The following MTSS1 variants were observed in gnomAD, a reference collection of about 807,000 sequenced individuals.
The protein encoded by MTSS1 is MTSS I-BAR domain containing 1.
A neutral mutation model predicts 79.0 loss-of-function variants in MTSS1; 18 were observed. That is an observed-to-expected ratio of 0.23 (90% confidence interval 0.16 to 0.34). MTSS1 has a LOEUF of 0.34. Ranked by LOEUF, MTSS1 falls within the 10% of genes least tolerant of loss-of-function variation. The probability of loss-of-function intolerance (pLI) is 1.00; values close to 1 mark genes in which losing one functional copy is unlikely to be tolerated. For synonymous variants in MTSS1, 341 were observed against 368.6 expected (o/e 0.93, Z 0.86); for missense variants, 815 against 986.2 (o/e 0.83, Z 2.33).
chr8:124,603,245 C>T (rs1247263074), intron 3 of MTSS1, among the ~76,000 whole-genome samples: 4 of 152,144 alleles, frequency 2.6e-5, no homozygotes, highest in Admixed American at 6.5e-5. Context: ...AGGCTGGTCT[C>T]GAACTCCTGA....
intron 3 of MTSS1, among the ~76,000 whole-genome samples, chr8:124,681,205 T>TA (rs765690095): frequency 0.014 from 1,702 of 126,058 alleles, 20 homozygotes; most frequent in African/African-American, 0.027. Context: ...CTGTGACATT[T>TA]AAAAAAAAAA....
intron 3 of MTSS1, among the ~76,000 whole-genome samples, chr8:124,671,652 A>T (rs1196534403): frequency 6.6e-6 from 1 of 152,222 alleles, no homozygotes; most frequent in East Asian, 1.9e-4. Flanking sequence ...GGCAACAGCA[A>T]ATTAGTTCAA....
intron 3 of MTSS1, among the ~76,000 whole-genome samples, chr8:124,672,740 G>T (rs1249015840): frequency 1.3e-5 from 2 of 152,106 alleles, no homozygotes; most frequent in African/African-American, 2.4e-5. Context: ...AGCCAGGAAA[G>T]GCAAGGCTGC....
intron 1 of MTSS1, among the ~76,000 whole-genome samples, chr8:124,723,997 T>C (rs142027534): frequency 6.0e-4 from 92 of 152,280 alleles, no homozygotes; most frequent in African/African-American, 2.2e-3. Flanking sequence ...CCATATTGGA[T>C]TCATATTACC....
At chr8:124,663,661 C>A (rs62530694) in intron 3 of MTSS1, among the ~76,000 whole-genome samples, 10,731 of 152,228 alleles carry the variant, frequency 0.07, 452 homozygotes, top group Middle Eastern at 0.15. Flanking sequence ...CTTAGAAAAG[C>A]CATCCTCCTC....
At chr8:124,712,007 G>GAA (rs113611055) in intron 1 of MTSS1, among the ~76,000 whole-genome samples, 18 of 102,722 alleles carry the variant, frequency 1.8e-4, no homozygotes, top group Admixed American at 4.2e-4. Context: ...GACTGTCTCA[G>GAA]AAAAAAAAAA....
intron 3 of MTSS1, among the ~76,000 whole-genome samples, chr8:124,672,678 C>T (rs1824466810): frequency 6.6e-6 from 1 of 151,828 alleles, no homozygotes; most frequent in African/African-American, 2.4e-5. Flanking sequence ...GGTGTGGTGG[C>T]ATGCACCCAT....
intron 3 of MTSS1, among the ~76,000 whole-genome samples, chr8:124,669,677 C>T (rs980987551): frequency 1.3e-5 from 2 of 152,178 alleles, no homozygotes; most frequent in African/African-American, 4.8e-5. Context: ...TGTCTATATA[C>T]ATTCAGGGAC....
intron 3 of MTSS1, among the ~76,000 whole-genome samples, chr8:124,646,411 A>G (rs956093841): frequency 6.6e-6 from 1 of 152,116 alleles, no homozygotes. Flanking sequence ...ATCTAAAAAT[A>G]TTTTCCTGGG....
chr8:124,593,481 C>T (rs1036071825), intron 3 of MTSS1, among the ~76,000 whole-genome samples: 1 of 152,206 alleles, frequency 6.6e-6, no homozygotes, highest in Non-Finnish European at 1.5e-5. Flanking sequence ...AAATGTTGTT[C>T]ACAGCGTCAA....
chr8:124,639,488 T>C (rs1205454202), intron 3 of MTSS1, among the ~76,000 whole-genome samples: 3 of 151,804 alleles, frequency 2.0e-5, no homozygotes, highest in African/African-American at 4.9e-5. Context: ...ATTTTTTTTT[T>C]CCCTGAGACA....
chr8:124,623,507 A>G (rs1472827552), intron 3 of MTSS1, among the ~76,000 whole-genome samples: 1 of 152,200 alleles, frequency 6.6e-6, no homozygotes, highest in African/African-American at 2.4e-5. Context: ...TCCAATAAAC[A>G]CTTGCTGGCT....
At chr8:124,621,217 G>C (rs939562627) in intron 3 of MTSS1, among the ~76,000 whole-genome samples, 1 of 152,208 alleles carries the variant, frequency 6.6e-6, no homozygotes, top group African/African-American at 2.4e-5. Flanking sequence ...TTAAGGGCCA[G>C]ATAAAAAAGC....
At chr8:124,635,467 A>G (rs1244265887) in intron 3 of MTSS1, among the ~76,000 whole-genome samples, 1 of 152,218 alleles carries the variant, frequency 6.6e-6, no homozygotes, top group African/African-American at 2.4e-5. Context: ...AGAGAAATCT[A>G]TGTCAACAGA....
Position 124,562,774 on chromosome 8 carries a change from A to G in MTSS1, c.1035+8T>C, listed in dbSNP as rs747762077. ...GACAGCTGCTCCTGGAGCCAAGGGC[A>G]CCCTTACCTGGTTGGGGGCCTCTGG... On this transcript the variant is annotated splice_region_variant and intron_variant, in intron 10 of 13. Coordinates refer to ENST00000518547, the MANE Select transcript of MTSS1 (RefSeq NM_014751.6). 7 of 1,612,928 alleles carry G rather than the reference A, an allele frequency of 4.3e-6. No individual in the cohort carries two copies. The African/African-American group carries it at 9.3e-5, about 22-fold the overall frequency.
At chr8:124,676,878 GA>G (rs1323883006) in intron 3 of MTSS1, among the ~76,000 whole-genome samples, 1 of 152,186 alleles carries the variant, frequency 6.6e-6, no homozygotes, top group Non-Finnish European at 1.5e-5. Context: ...ACACGCTGAT[GA>G]AAAGGACTTG....
intron 6 of MTSS1, among the ~76,000 whole-genome samples, chr8:124,572,598 G>T (rs181315064): frequency 2.0e-5 from 3 of 152,040 alleles, no homozygotes; most frequent in Non-Finnish European, 4.4e-5. Context: ...CTCCATCCTC[G>T]TCTCACCTCT....
At chr8:124,590,216 C>T (rs751413394) in intron 4 of MTSS1, among the ~76,000 whole-genome samples, 8 of 152,210 alleles carry the variant, frequency 5.3e-5, no homozygotes, top group Admixed American at 1.3e-4. Flanking sequence ...AGTGACCCTT[C>T]TTCCCATTTT....
At chr8:124,640,174 C>T (rs924221981) in intron 3 of MTSS1, among the ~76,000 whole-genome samples, 1 of 152,222 alleles carries the variant, frequency 6.6e-6, no homozygotes, top group Non-Finnish European at 1.5e-5. Context: ...GATACAAACC[C>T]AGCCTTCTTG....
Sources: gnomAD v4.1 joint callset for allele counts (sites outside exome capture counted in the v4.1 genomes callset) on GRCh38, gnomAD v4.1.1 for gene constraint, MANE v1.5 for transcripts, NCBI Gene and HGNC (gene_info 2026-07-23, HGNC 2026-07-21) for gene names.